CCDC150: variants seen among roughly 807,000 people sequenced by gnomAD.
CCDC150 encodes the protein coiled-coil domain-containing protein 150.
CCDC150 carries 151 observed loss-of-function variants against 156.5 expected under a neutral mutation model. The ratio of observed to expected loss-of-function variants is 0.97; its 90% confidence interval spans 0.85 to 1.10. The LOEUF is 1.10. Ranked by LOEUF, CCDC150 falls within the 50% of genes least tolerant of loss-of-function variation. The pLI, the probability that CCDC150 is intolerant of heterozygous loss-of-function variation, is 0.00. For missense variants in CCDC150, 1,312 were observed against 1,268.1 expected (o/e 1.03, Z -0.53); for synonymous variants, 452 against 429.4 (o/e 1.05, Z -0.65).
chr2:196,669,198 C>T (rs77137577), intron 7 of CCDC150, among the ~76,000 whole-genome samples: 3,982 of 152,290 alleles, frequency 0.026, 182 homozygotes, highest in African/African-American at 0.09. Flanking sequence ...AACTAAATAT[C>T]TACATTTGGA....
In CCDC150 at chr2:196,676,549, T is replaced by G. The variant is rs768894488; in HGVS notation, c.1263-5T>G. The G allele has an allele frequency of 7.5e-5, 120 of 1,609,256 alleles. No individual in the cohort carries two copies. Among genetic ancestry groups the G allele is most frequent in the Non-Finnish European group, 9.8e-5 (115 of 1,177,366 alleles). On this transcript the variant is annotated splice_polypyrimidine_tract_variant and splice_region_variant and intron_variant, in intron 11 of 27. Transcript: ENST00000389175. ...CTTTCATATGTTCTTGATCTCTTCC[T>G]GCAGGGATCATTTAATCCTTGAGCA...
At chr2:196,715,535 T>C (rs1197578560) in intron 17 of CCDC150, among the ~76,000 whole-genome samples, 1 of 152,186 alleles carries the variant, frequency 6.6e-6, no homozygotes, top group Non-Finnish European at 1.5e-5. Flanking sequence ...TTTTTGTACT[T>C]TAAAAATAAT....
chr2:196,713,880 G>A (rs961804004), intron 17 of CCDC150, among the ~76,000 whole-genome samples: 3 of 152,054 alleles, frequency 2.0e-5, no homozygotes, highest in African/African-American at 7.2e-5. Flanking sequence ...AACATTTGGC[G>A]TAACAGTAAC....
chr2:196,687,111 C>T (rs892601176), intron 13 of CCDC150, among the ~76,000 whole-genome samples: 14 of 151,998 alleles, frequency 9.2e-5, no homozygotes, highest in Non-Finnish European at 1.6e-4. Context: ...ATGTATATTC[C>T]TTTGGGTATA....
chr2:196,676,415 C>T, intron 11 of CCDC150, 139 bp from the exon 12 acceptor site: 2 of 1,301,310 alleles, frequency 1.5e-6, no homozygotes, highest in South Asian at 1.5e-5. Flanking sequence ...AGACTCTGCC[C>T]TCAAGAAACT....
chr2:196,721,786 C>G (rs1241254852), intron 21 of CCDC150, 95 bp downstream of exon 21: 1 of 1,014,470 alleles, frequency 9.9e-7, no homozygotes, highest in African/African-American at 1.6e-5. Flanking sequence ...ATCAGTTAAA[C>G]TCTTTTCTCC....
Position 196,672,411 on chromosome 2 carries a change from C to G in CCDC150, c.1003C>G (p.Leu335Val). The change falls in exon 9 of 28, where the codon CTT becomes GTT. Residue 335 changes from leucine (L) to valine (V), a missense_variant. Transcript: ENST00000389175. ...ATATTTGAGGTCCGAAATAATGTCTCTTCATGAAGCATCAGAAAAAGCACA... is the reference window on the plus strand; with the variant it reads ...ATATTTGAGGTCCGAAATAATGTCTGTTCATGAAGCATCAGAAAAAGCACA... ...NAYLRSEIMS[L>V]HEASEKAQVL... 6.5e-7 allele frequency: 1 copy of G among 1,532,080 alleles called. No homozygotes were observed. The allele number at this position is 1,532,080 out of a possible 1,614,324, so 94.9% of individuals were successfully genotyped here.
chr2:196,657,137 G>T lies in CCDC150; in HGVS notation c.576+1G>T, dbSNP rs746514107. 5.0e-5 allele frequency: 81 copies of T among 1,613,382 alleles called. No homozygotes were observed. The East Asian group carries it at 1.6e-3, about 32-fold the overall frequency. ...TCTGAAGATTGCCTCGCAGACAAAG[G>T]TTTGAGTCTAAGAGTTCTGAAGTAT... is the stretch of plus-strand genomic sequence containing the variant. On this transcript the variant is annotated splice_donor_variant, in intron 4 of 27. Coordinates refer to ENST00000389175, the MANE Select transcript of CCDC150 (RefSeq NM_001080539.2). LOFTEE classifies it high-confidence loss of function.
In CCDC150 at chr2:196,656,728, A is replaced by G. The variant is rs112754611; in HGVS notation, c.272A>G (p.Asp91Gly). The change falls in exon 3 of 28, where the codon GAT (aspartate) becomes GGT (glycine). Residue 91 changes from aspartate (D) to glycine (G), a missense_variant. Physicochemically the swap from Asp to Gly is moderately conservative, Grantham distance 94. Coordinates refer to ENST00000389175, the MANE Select transcript of CCDC150 (RefSeq NM_001080539.2). ...GAAGCAATTTGTGCAGGAAAAACAG[A>G]TATTTTATGGAAGAACTGTGAGTTT... ...QNEAICAGKT[D>G]ILWKNCEFLV... The G allele has an allele frequency of 7.4e-6, 12 of 1,613,778 alleles. No individual in the cohort carries two copies. The highest frequency in any genetic ancestry group is 5.3e-5 in the African/African-American group (4 of 75,034).
chr2:196,707,918 AC>A (rs1405277208), intron 15 of CCDC150, among the ~76,000 whole-genome samples: 1 of 152,194 alleles, frequency 6.6e-6, no homozygotes, highest in East Asian at 1.9e-4. Flanking sequence ...GGAGTGCTTT[AC>A]TTCCAACTAT....
rs767081022 is a variant in CCDC150, at chr2:196,691,626, GTCTA to G, written c.1510-3414_1510-3411del. ...TTCTTATTTATTAGTCTAGCTAGAAGTCTATCTATTTTTTTTTTTTTAAAACAGC... is the reference window on the plus strand; with the variant it reads ...TTCTTATTTATTAGTCTAGCTAGAAGTCTATTTTTTTTTTTTTAAAACAGC... On this transcript the variant is annotated intron_variant, in intron 13 of 27. Coordinates refer to ENST00000389175, the MANE Select transcript of CCDC150 (RefSeq NM_001080539.2). 2.0e-5 allele frequency among the ~76,000 whole-genome samples: 3 copies of G among 151,630 alleles called. No homozygotes were observed. The East Asian group carries it at 5.8e-4, about 29-fold the overall frequency.
intron 17 of CCDC150, chr2:196,713,408 C>T (rs771219914): frequency 6.5e-7 from 1 of 1,535,394 alleles, no homozygotes; most frequent in Non-Finnish European, 8.8e-7. Flanking sequence ...TTCAAAATCC[C>T]CCGAAATCTC....
rs749107179 is a variant in CCDC150, at chr2:196,658,855, C to T, written c.640C>T (p.Gln214Ter). The change falls in exon 5 of 28, where the codon CAA becomes TAA. Residue 214 changes from glutamine (Q) to a stop codon, truncating the protein, a stop_gained. Coordinates refer to ENST00000389175, the MANE Select transcript of CCDC150 (RefSeq NM_001080539.2). LOFTEE classifies it high-confidence loss of function. ...AAAACGTAAAATGAACCTTAAAATTCAAGAGGTAAGACAAAAAGATGGAGG... is the reference window on the plus strand; with the variant it reads ...AAAACGTAAAATGAACCTTAAAATTTAAGAGGTAAGACAAAAAGATGGAGG... ...TTKRKMNLKIQELRRQLAQEK... is the reference protein window; with the variant it reads ...TTKRKMNLKI 4 of 1,598,548 alleles carry T rather than the reference C, an allele frequency of 2.5e-6. No homozygotes were observed. The highest frequency in any genetic ancestry group is 3.4e-6 in the Non-Finnish European group (4 of 1,170,984).
chr2:196,654,907 G>A (rs1049299192), intron 2 of CCDC150, among the ~76,000 whole-genome samples: 3 of 152,142 alleles, frequency 2.0e-5, no homozygotes, highest in African/African-American at 7.2e-5. Context: ...AAATTATAAT[G>A]TATCTCTCAA....
Position 196,676,736 on chromosome 2 carries a change from G to A in CCDC150, c.1440+5G>A. The A allele has an allele frequency of 1.9e-6, 3 of 1,605,274 alleles. No individual in the cohort carries two copies. The highest frequency in any genetic ancestry group is 1.7e-6 in the Non-Finnish European group (2 of 1,174,552). ...AAAGAAAGATTTCAGAGGGAGGTAG[G>A]TAGAAGCAAATTTACATTATCTTCT... On this transcript the variant is annotated splice_donor_5th_base_variant and intron_variant, in intron 12 of 27. Coordinates refer to ENST00000389175, the MANE Select transcript of CCDC150 (RefSeq NM_001080539.2).
intron 17 of CCDC150, among the ~76,000 whole-genome samples, chr2:196,716,667 GA>G (rs1299875750): frequency 6.6e-6 from 1 of 152,034 alleles, no homozygotes; most frequent in Non-Finnish European, 1.5e-5. Flanking sequence ...GGAGATGATG[GA>G]AATGTTCAAT....
intron 17 of CCDC150, among the ~76,000 whole-genome samples, chr2:196,714,875 GA>G (rs1407067672): frequency 6.6e-6 from 1 of 151,996 alleles, no homozygotes; most frequent in Non-Finnish European, 1.5e-5. Flanking sequence ...TACTTTTCTA[GA>G]ACAAAATTCA....
In CCDC150 at chr2:196,658,852, A is replaced by G; in HGVS notation, c.637A>G (p.Ile213Val). Residue 213 changes from isoleucine to valine, a missense_variant, in exon 5 of 28, where the codon ATT becomes GTT. By Grantham distance (29) the Ile-to-Val change is conservative. Transcript: ENST00000389175. The part of the protein sequence containing the change: ...KTTKRKMNLK[I>V]QELRRQLAQE... ...CACAAAACGTAAAATGAACCTTAAAATTCAAGAGGTAAGACAAAAAGATGG... is the reference window on the plus strand; with the variant it reads ...CACAAAACGTAAAATGAACCTTAAAGTTCAAGAGGTAAGACAAAAAGATGG... 6.2e-7 allele frequency: 1 copy of G among 1,601,002 alleles called. No individual in the cohort carries two copies. Among genetic ancestry groups the G allele is most frequent in the South Asian group, 1.1e-5 (1 of 88,522 alleles).
At chr2:196,704,958 A>T (rs60931012) in intron 15 of CCDC150, among the ~76,000 whole-genome samples, 13,789 of 152,214 alleles carry the variant, frequency 0.091, 788 homozygotes, top group African/African-American at 0.17. Context: ...TCATCTATGA[A>T]CATTTTGGGT....
Sources: allele counts gnomAD v4.1 joint callset (sites outside exome capture counted in the v4.1 genomes callset), GRCh38; gene constraint gnomAD v4.1.1; transcripts MANE v1.5; gene names NCBI Gene and HGNC (gene_info 2026-07-23, HGNC 2026-07-21).